Variants in CCSER1 observed in about 807,000 individuals in gnomAD.
The protein encoded by CCSER1 is serine-rich coiled-coil domain-containing protein 1.
In CCSER1, 41 loss-of-function variants were observed where a neutral mutation model predicts 82.0. The ratio of observed to expected loss-of-function variants is 0.50; its 90% CI spans 0.39 to 0.65. CCSER1 has a LOEUF of 0.65. Ranked by LOEUF, CCSER1 falls within the 30% of genes least tolerant of loss-of-function variation. The pLI is 0.00. For missense variants in CCSER1, 1,119 were observed against 1,064.2 expected (o/e 1.05, Z -0.72); for synonymous variants, 414 against 383.9 (o/e 1.08, Z -0.92).
At chr4:90,710,812 T>C (rs1242962115) in intron 6 of CCSER1, among the ~76,000 whole-genome samples, 1 of 151,978 alleles carries the variant, frequency 6.6e-6, no homozygotes, top group Non-Finnish European at 1.5e-5. Flanking sequence ...TGGCTATTTA[T>C]GCTCTTTTTT....
chr4:90,504,894 G>A (rs923250395), intron 5 of CCSER1, among the ~76,000 whole-genome samples: 21 of 152,082 alleles, frequency 1.4e-4, no homozygotes, highest in Non-Finnish European at 2.8e-4. Flanking sequence ...AAAAAACCCA[G>A]AGTATCCAAA....
At chr4:90,377,220 C>G (rs919438525) in intron 3 of CCSER1, among the ~76,000 whole-genome samples, 6 of 152,172 alleles carry the variant, frequency 3.9e-5, no homozygotes, top group African/African-American at 1.4e-4. Context: ...ACACTGCACA[C>G]ACATTCTTCA....
intron 5 of CCSER1, among the ~76,000 whole-genome samples, chr4:90,591,081 A>G (rs1782634161): frequency 6.6e-6 from 1 of 152,128 alleles, no homozygotes; most frequent in Non-Finnish European, 1.5e-5. Flanking sequence ...GAGTTCACTC[A>G]TGATTTGGCT....
At chr4:90,334,025 G>A (rs1461742) in intron 3 of CCSER1, among the ~76,000 whole-genome samples, 102,714 of 152,022 alleles carry the variant, frequency 0.68, 36,659 homozygotes, top group African/African-American at 0.91. Flanking sequence ...AGCCTTTTAG[G>A]TAATACTTCA....
At chr4:91,202,943 T>C (rs1403469372) in intron 10 of CCSER1, among the ~76,000 whole-genome samples, 2 of 151,494 alleles carry the variant, frequency 1.3e-5, no homozygotes, top group Non-Finnish European at 2.9e-5. Context: ...TATTTAAAGA[T>C]TTTATGTTGT....
intron 10 of CCSER1, among the ~76,000 whole-genome samples, chr4:91,349,709 T>C (rs1381558424): frequency 6.7e-6 from 1 of 149,840 alleles, no homozygotes; most frequent in Non-Finnish European, 1.5e-5. Flanking sequence ...GAGTTTTTCT[T>C]TTTTTTTTTC....
chr4:90,787,837 G>A (rs1020621324), intron 7 of CCSER1, among the ~76,000 whole-genome samples: 3 of 152,280 alleles, frequency 2.0e-5, no homozygotes, highest in East Asian at 1.9e-4. Context: ...CTAGAAAGTG[G>A]TGACGCTTCC....
intron 9 of CCSER1, among the ~76,000 whole-genome samples, chr4:91,023,781 T>A (rs966155711): frequency 3.3e-5 from 5 of 152,148 alleles, no homozygotes; most frequent in African/African-American, 1.2e-4. Flanking sequence ...CCAAAAGCAA[T>A]GGCAACAAAA....
chr4:91,112,081 A>C (rs1726143496), intron 10 of CCSER1, among the ~76,000 whole-genome samples: 1 of 152,028 alleles, frequency 6.6e-6, no homozygotes, highest in African/African-American at 2.4e-5. Context: ...GTCAGCTTTA[A>C]CGTGTTTCTA....
intron 1 of CCSER1, among the ~76,000 whole-genome samples, chr4:90,180,365 G>C (rs984273580): frequency 6.6e-6 from 1 of 151,954 alleles, no homozygotes; most frequent in Non-Finnish European, 1.5e-5. Context: ...AAGGTGCGTG[G>C]AGTGCTAGAG....
intron 10 of CCSER1, among the ~76,000 whole-genome samples, chr4:91,248,982 T>C (rs1007507923): frequency 7.2e-5 from 11 of 152,162 alleles, no homozygotes; most frequent in African/African-American, 2.7e-4. Flanking sequence ...GTACACACTT[T>C]GCCATAGAGC....
intron 10 of CCSER1, among the ~76,000 whole-genome samples, chr4:91,109,886 G>T (rs1725946055): frequency 6.6e-6 from 1 of 152,136 alleles, no homozygotes; most frequent in South Asian, 2.1e-4. Flanking sequence ...ATGTTGTATT[G>T]TTTTTCAGAC....
chr4:90,692,784 C>A (rs1217554108), intron 6 of CCSER1, among the ~76,000 whole-genome samples: 1 of 151,712 alleles, frequency 6.6e-6, no homozygotes, highest in Non-Finnish European at 1.5e-5. Flanking sequence ...TTATTTTAGT[C>A]CTCTAACACC....
chr4:90,149,661 A>C (rs1726439841), intron 1 of CCSER1, among the ~76,000 whole-genome samples: 1 of 152,180 alleles, frequency 6.6e-6, no homozygotes, highest in African/African-American at 2.4e-5. Flanking sequence ...GAAAAACTGT[A>C]TATAATAATC....
At chr4:90,338,256 T>C (rs1241968617) in intron 3 of CCSER1, among the ~76,000 whole-genome samples, 4 of 152,328 alleles carry the variant, frequency 2.6e-5, no homozygotes, top group Non-Finnish European at 5.9e-5. Context: ...CTTCACCCCA[T>C]GTGAAACTCT....
At chr4:90,634,905 A>G (rs1233927613) in intron 6 of CCSER1, among the ~76,000 whole-genome samples, 1 of 151,856 alleles carries the variant, frequency 6.6e-6, no homozygotes, top group Non-Finnish European at 1.5e-5. Flanking sequence ...TGAAAACATC[A>G]AATGGCAGAA....
At chr4:91,574,254 T>TG (rs1300311299) in intron 10 of CCSER1, among the ~76,000 whole-genome samples, 1 of 85,142 alleles carries the variant, frequency 1.2e-5, no homozygotes, top group Non-Finnish European at 2.5e-5. Flanking sequence ...ACTGAGGTTC[T>TG]GGAAAAAAAA....
At chr4:90,265,320 T>G (rs1418603166) in intron 1 of CCSER1, among the ~76,000 whole-genome samples, 1 of 151,802 alleles carries the variant, frequency 6.6e-6, no homozygotes, top group Non-Finnish European at 1.5e-5. Flanking sequence ...TATATTTGTA[T>G]GTATATTATG....
chr4:90,234,453 A>T (rs890119619), intron 1 of CCSER1, among the ~76,000 whole-genome samples: 1 of 152,116 alleles, frequency 6.6e-6, no homozygotes, highest in African/African-American at 2.4e-5. Flanking sequence ...CTGACCTCAG[A>T]TGATCCGCCC....
Sources: gnomAD v4.1 joint callset for allele counts (sites outside exome capture counted in the v4.1 genomes callset) on GRCh38, gnomAD v4.1.1 for gene constraint, MANE v1.5 for transcripts, NCBI Gene and HGNC (gene_info 2026-07-23, HGNC 2026-07-21) for gene names.